The following TMEM245 variants were observed in gnomAD, a reference collection of about 807,000 sequenced individuals.
TMEM245 encodes the protein transmembrane protein 245.
A neutral mutation model predicts 101.2 loss-of-function variants in TMEM245; 69 were observed. The ratio of observed to expected loss-of-function variants is 0.68; its 90% CI spans 0.56 to 0.83. The LOEUF is 0.83. TMEM245 is among the 40% of genes least tolerant of loss of function. The pLI, the probability that TMEM245 is intolerant of heterozygous loss-of-function variation, is 0.00. For synonymous variants in TMEM245, 537 were observed against 449.8 expected (o/e 1.19, Z -2.45); for missense variants, 1,075 against 1,092.8 (o/e 0.98, Z 0.23).
intron 9 of TMEM245, among the ~76,000 whole-genome samples, chr9:109,065,273 A>G (rs1050486916): frequency 6.6e-6 from 1 of 152,232 alleles, no homozygotes; most frequent in Non-Finnish European, 1.5e-5. Context: ...AACCAGCAGC[A>G]TCAGAACTTT....
At chr9:109,042,606 CAT>C (rs1263960759) in intron 14 of TMEM245, 6 of 152,078 alleles carry the variant, frequency 3.9e-5, no homozygotes, top group African/African-American at 1.2e-4. Flanking sequence ...CTTCTGTCCA[CAT>C]GTCTCCTTCA....
intron 3 of TMEM245, among the ~76,000 whole-genome samples, chr9:109,103,902 A>C (rs912839142): frequency 1.3e-5 from 2 of 152,084 alleles, no homozygotes; most frequent in African/African-American, 4.8e-5. Flanking sequence ...CCTGGCCAAC[A>C]TGGTGAAACC....
chr9:109,058,979 G>A (rs1454958349), intron 11 of TMEM245, among the ~76,000 whole-genome samples: 2 of 152,086 alleles, frequency 1.3e-5, no homozygotes, highest in Non-Finnish European at 2.9e-5. Flanking sequence ...TCTTAGGACC[G>A]ATCACCCATG....
At chr9:109,107,670 A>G (rs1337494995) in intron 2 of TMEM245, among the ~76,000 whole-genome samples, 5 of 152,198 alleles carry the variant, frequency 3.3e-5, no homozygotes, top group Non-Finnish European at 5.9e-5. Context: ...ATTTTTAACA[A>G]TAAGTAGTAG....
At chr9:109,024,539 G>A (rs1355653236) in intron 17 of TMEM245, among the ~76,000 whole-genome samples, 3 of 152,270 alleles carry the variant, frequency 2.0e-5, no homozygotes, top group East Asian at 1.9e-4. Context: ...TCTATAAAAC[G>A]CGTATTAAGT....
At chr9:109,098,237 T>A (rs1830192574) in intron 3 of TMEM245, among the ~76,000 whole-genome samples, 1 of 152,172 alleles carries the variant, frequency 6.6e-6, no homozygotes, top group Non-Finnish European at 1.5e-5. Flanking sequence ...AACTGTGGCT[T>A]AAGGAATAAC....
In TMEM245 at chr9:109,119,692, G is replaced by A. The variant is rs1830853517; in HGVS notation, c.222C>T (p.Tyr74=). 4.5e-6 allele frequency: 7 copies of A among 1,556,560 alleles called. No individual in the cohort carries two copies. Among genetic ancestry groups the A allele is most frequent in the African/African-American group, 4.1e-5 (3 of 72,306 alleles). The part of the protein sequence containing the change: ...CLCCGAAVLV[Y]FILEAFLRPL... ...GCCGCAGGAAGGCCTCCAGGATGAA[G>A]TAGACCAGCACCGCGGCGCCGCAGC... Residue 74 remains tyrosine, a synonymous_variant, in exon 1 of 18, where the codon TAC becomes TAT. Coordinates refer to ENST00000374586, the MANE Select transcript of TMEM245 (RefSeq NM_032012.4).
intron 11 of TMEM245, among the ~76,000 whole-genome samples, chr9:109,059,888 T>C (rs944567330): frequency 6.6e-6 from 1 of 151,454 alleles, no homozygotes; most frequent in African/African-American, 2.4e-5. Flanking sequence ...ATAAAATGCA[T>C]GCTAGATTTC....
intron 3 of TMEM245, among the ~76,000 whole-genome samples, chr9:109,103,397 T>C (rs750203040): frequency 7.0e-4 from 107 of 152,168 alleles, no homozygotes; most frequent in Non-Finnish European, 1.3e-3. Context: ...GTCTAAGACA[T>C]ATACAAAGAA....
At chr9:109,091,577 A>G (rs1830008706) in intron 4 of TMEM245, among the ~76,000 whole-genome samples, 1 of 152,238 alleles carries the variant, frequency 6.6e-6, no homozygotes, top group African/African-American at 2.4e-5. Flanking sequence ...TTCTGACACA[A>G]GAAGACTTTT....
intron 11 of TMEM245, 34 bp downstream of exon 11, chr9:109,060,320 T>C (rs985100061): frequency 1.3e-6 from 2 of 1,499,532 alleles, no homozygotes; most frequent in Admixed American, 1.8e-5. Context: ...ACTTTATTAG[T>C]TTACAACAGG....
In TMEM245 at chr9:109,057,352, T is replaced by A. The variant is rs760349481; in HGVS notation, c.1723-30A>T. ...GGAATAAAACAGTGCAGACATGAAA[T>A]TCCCATCTTAATCTAAAGAACAGAA... On this transcript the variant is annotated intron_variant, in intron 11 of 17. Coordinates refer to ENST00000374586, the MANE Select transcript of TMEM245 (RefSeq NM_032012.4). 1.1e-5 allele frequency: 17 copies of A among 1,597,520 alleles called. No individual in the cohort carries two copies. In the African/African-American group the frequency reaches 2.1e-4, roughly 20 times the overall value.
intron 3 of TMEM245, among the ~76,000 whole-genome samples, chr9:109,104,275 C>T (rs768205183): frequency 3.9e-5 from 6 of 151,968 alleles, no homozygotes; most frequent in Non-Finnish European, 8.8e-5. Context: ...ACATTACATG[C>T]CTGTGTCAAA....
At chr9:109,035,909 T>G (rs1828104068) in intron 16 of TMEM245, 1 of 172,322 alleles carries the variant, frequency 5.8e-6, no homozygotes, top group Admixed American at 8.7e-5. Context: ...CACCCTGCAC[T>G]CTAGCAGTCT....
intron 14 of TMEM245, among the ~76,000 whole-genome samples, chr9:109,042,754 T>C (rs1240391457): frequency 6.6e-6 from 1 of 151,998 alleles, no homozygotes; most frequent in African/African-American, 2.4e-5. Context: ...CTATCATCAT[T>C]AATTCCAGAA....
At chr9:109,060,661 C>T (rs140270386) in intron 10 of TMEM245, among the ~76,000 whole-genome samples, 109 of 152,250 alleles carry the variant, frequency 7.2e-4, no homozygotes, top group Non-Finnish European at 1.4e-3. Context: ...ATTTTCTTTG[C>T]TCTATTCTTA....
intron 2 of TMEM245, 52 bp from the exon 3 acceptor site, chr9:109,106,661 G>A (rs1830432920): frequency 1.5e-6 from 2 of 1,358,012 alleles, no homozygotes; most frequent in African/African-American, 2.9e-5. Flanking sequence ...CCTAGTACTT[G>A]TTTTTACAAA....
intron 17 of TMEM245, among the ~76,000 whole-genome samples, chr9:109,032,203 TA>T (rs1176944570): frequency 6.6e-6 from 1 of 152,120 alleles, no homozygotes; most frequent in Non-Finnish European, 1.5e-5. Flanking sequence ...GTTATCGAAG[TA>T]TCATTGTTAA....
At chr9:109,050,027 A>G (rs905090613) in intron 14 of TMEM245, among the ~76,000 whole-genome samples, 2 of 152,180 alleles carry the variant, frequency 1.3e-5, no homozygotes, top group Non-Finnish European at 2.9e-5. Context: ...CCTGGCCTCA[A>G]GCAATCTTCC....
Sources: gnomAD v4.1 joint callset for allele counts (sites outside exome capture counted in the v4.1 genomes callset) on GRCh38, gnomAD v4.1.1 for gene constraint, MANE v1.5 for transcripts, NCBI Gene and HGNC (gene_info 2026-07-23, HGNC 2026-07-21) for gene names.